CSMD2: variants seen among roughly 807,000 people sequenced by gnomAD.
CSMD2 encodes CUB and sushi domain-containing protein 2.
A neutral mutation model predicts 398.5 loss-of-function variants in CSMD2; 130 were observed. That is an observed-to-expected ratio of 0.33 (90% confidence interval 0.28 to 0.38). CSMD2 has a LOEUF of 0.38. CSMD2 is among the 10% of genes least tolerant of loss of function. CSMD2 has a pLI of 1.00. For synonymous variants in CSMD2, 1,828 were observed against 1,908.5 expected, an observed-to-expected ratio of 0.96 and a Z score of 1.10; for missense variants, 3,829 against 4,764.9, an observed-to-expected ratio of 0.80 and a Z score of 5.78.
chr1:33,895,475 T>C (rs890618239), intron 5 of CSMD2, among the ~76,000 whole-genome samples: 1 of 151,920 alleles, frequency 6.6e-6, no homozygotes, highest in Non-Finnish European at 1.5e-5. Flanking sequence ...GGATGTATGG[T>C]GGATGAAGTG....
At chr1:33,604,686 A>G (rs769293929) in intron 42 of CSMD2, among the ~76,000 whole-genome samples, 2 of 152,226 alleles carry the variant, frequency 1.3e-5, no homozygotes, top group Admixed American at 6.5e-5. Flanking sequence ...TGAAGTGTGC[A>G]GATGAGGGTG....
intron 12 of CSMD2, among the ~76,000 whole-genome samples, chr1:33,774,051 G>A (rs1421570671): frequency 1.3e-5 from 2 of 151,764 alleles, no homozygotes; most frequent in African/African-American, 2.4e-5. Context: ...AACCCAAAAC[G>A]AAGGCTGCCA....
intron 5 of CSMD2, among the ~76,000 whole-genome samples, chr1:33,866,697 C>T (rs1640062804): frequency 6.6e-6 from 1 of 152,186 alleles, no homozygotes; most frequent in Non-Finnish European, 1.5e-5. Flanking sequence ...TCTTCCTGCC[C>T]TCTCCCTGCC....
At chr1:33,538,804 T>C (rs1238078078) in intron 60 of CSMD2, among the ~76,000 whole-genome samples, 2 of 152,134 alleles carry the variant, frequency 1.3e-5, no homozygotes, top group Admixed American at 1.3e-4. Context: ...GCACAATCCA[T>C]TATTGATGAG....
chr1:33,708,606 A>ATTATTATTATTATTG (rs1486255058), intron 22 of CSMD2, among the ~76,000 whole-genome samples: 17 of 148,514 alleles, frequency 1.1e-4, no homozygotes, highest in Admixed American at 9.4e-4. Flanking sequence ...TATTATTATT[A>ATTATTATTATTATTG]TTATTATTAT....
intron 3 of CSMD2, among the ~76,000 whole-genome samples, chr1:34,003,998 G>C (rs988651477): frequency 1.3e-5 from 2 of 152,126 alleles, no homozygotes; most frequent in Non-Finnish European, 2.9e-5. Flanking sequence ...ATGCCTACCT[G>C]CCCTCTAGCC....
At chr1:33,668,591 T>C (rs1025544772) in intron 25 of CSMD2, among the ~76,000 whole-genome samples, 1 of 152,224 alleles carries the variant, frequency 6.6e-6, no homozygotes. Flanking sequence ...CATTGTGGTT[T>C]GTGTGAGCAG....
At chr1:33,595,596 A>G (rs1397513259) in intron 44 of CSMD2, among the ~76,000 whole-genome samples, 2 of 152,188 alleles carry the variant, frequency 1.3e-5, no homozygotes, top group African/African-American at 4.8e-5. Flanking sequence ...TCAATAGGTC[A>G]CCACCATTTG....
intron 2 of CSMD2, among the ~76,000 whole-genome samples, chr1:34,058,362 G>A (rs1049494290): frequency 3.9e-5 from 6 of 152,138 alleles, no homozygotes; most frequent in Non-Finnish European, 8.8e-5. Context: ...CATGATGCCT[G>A]ACCTAGAGCA....
At chr1:33,753,529 G>A (rs568238088) in intron 13 of CSMD2, among the ~76,000 whole-genome samples, 1 of 152,366 alleles carries the variant, frequency 6.6e-6, no homozygotes, top group African/African-American at 2.4e-5. Context: ...ATGATGTGGA[G>A]TGGCAATGTG....
At chr1:34,036,306 C>G (rs1321274167) in intron 2 of CSMD2, among the ~76,000 whole-genome samples, 1 of 152,142 alleles carries the variant, frequency 6.6e-6, no homozygotes. Context: ...GGAGTACATC[C>G]ATACCACAGA....
chr1:33,557,658 ACAT>A, intron 55 of CSMD2, 73 bp downstream of exon 55: 90 of 1,226,306 alleles, frequency 7.3e-5, no homozygotes, highest in Non-Finnish European at 9.5e-5. Context: ...ACACACACAC[ACAT>A]GCACAGAGGG....
At chr1:33,755,971 C>T (rs563140438) in intron 13 of CSMD2, among the ~76,000 whole-genome samples, 9 of 152,066 alleles carry the variant, frequency 5.9e-5, no homozygotes, top group South Asian at 4.2e-4. Flanking sequence ...ACTTGAGCAT[C>T]GGTGTTCTGA....
chr1:34,053,511 G>A (rs1653458797), intron 2 of CSMD2, among the ~76,000 whole-genome samples: 1 of 152,164 alleles, frequency 6.6e-6, no homozygotes, highest in South Asian at 2.1e-4. Flanking sequence ...GGTCCATTAT[G>A]ATTGCGGTGC....
At chr1:33,555,523 C>T (rs1657875367) in intron 55 of CSMD2, among the ~76,000 whole-genome samples, 1 of 152,156 alleles carries the variant, frequency 6.6e-6, no homozygotes, top group African/African-American at 2.4e-5. Context: ...AAAATGCTAT[C>T]AAACAGCAGC....
chr1:33,584,930 T>C (rs1242666689), intron 46 of CSMD2, among the ~76,000 whole-genome samples: 1 of 152,068 alleles, frequency 6.6e-6, no homozygotes, highest in South Asian at 2.1e-4. Flanking sequence ...GTCATCACCA[T>C]GAGTGGGAGG....
intron 5 of CSMD2, among the ~76,000 whole-genome samples, chr1:33,875,999 G>A (rs1004149887): frequency 1.3e-5 from 2 of 152,196 alleles, no homozygotes; most frequent in Non-Finnish European, 2.9e-5. Context: ...GTAGGTGCCA[G>A]GCCAGCTCTC....
chr1:34,044,519 A>T (rs909124496), intron 2 of CSMD2, among the ~76,000 whole-genome samples: 1 of 151,930 alleles, frequency 6.6e-6, no homozygotes, highest in Non-Finnish European at 1.5e-5. Flanking sequence ...CTGTTGCTAC[A>T]ACAATCATGA....
In CSMD2 at chr1:33,580,867, G is replaced by A; in HGVS notation, c.7273C>T (p.Leu2425Phe). Residue 2425 changes from leucine (L) to phenylalanine (F), a missense_variant, in exon 48 of 71, where the codon CTC becomes TTC. Transcript: ENST00000373381. ...PSGQSPLLKALSGNYSAPLIV... is the reference protein window; with the variant it reads ...PSGQSPLLKAFSGNYSAPLIV... ...AGGGGAGCTGAGTAATTCCCACTGA[G>A]GGCTTTCAGCAGAGGACTCTGTCCT... 6.2e-7 allele frequency: 1 copy of A among 1,614,162 alleles called. No homozygotes were observed. The highest frequency in any genetic ancestry group is 8.5e-7 in the Non-Finnish European group (1 of 1,180,030).
Sources: allele counts gnomAD v4.1 joint callset (sites outside exome capture counted in the v4.1 genomes callset), GRCh38; gene constraint gnomAD v4.1.1; transcripts MANE v1.5; gene names NCBI Gene and HGNC (gene_info 2026-07-23, HGNC 2026-07-21).